The following MYOM3 variants were observed in gnomAD, a reference collection of about 807,000 sequenced individuals.
MYOM3 encodes myomesin 3.
MYOM3 carries 155 observed loss-of-function variants against 191.7 expected under a neutral mutation model. The observed-to-expected ratio is 0.81, with a 90% CI of 0.71 to 0.92. The LOEUF is 0.92. Among genes scored for constraint, MYOM3 ranks in the 40% least tolerant of loss-of-function variants. The pLI is 0.00. For missense variants in MYOM3, 1,889 were observed against 1,890.6 expected, an observed-to-expected ratio of 1.00 and a Z score of 0.02; for synonymous variants, 757 against 762.9, an observed-to-expected ratio of 0.99 and a Z score of 0.13.
In MYOM3 at chr1:24,105,970, C is replaced by G; in HGVS notation, c.510G>C (p.Thr170=). ...LRSHAVWEHT[T]VLLTCTVQAS... is the part of the protein sequence containing the mutation. ...CCTGGACAGTGCAGGTCAGCAGGAC[C>G]GTGGTGTGCTCCCAGACGGCGTGGG... Residue 170 remains threonine (T), a synonymous_variant, in exon 5 of 37, where the codon ACG becomes ACC. Coordinates refer to ENST00000374434, the MANE Select transcript of MYOM3 (RefSeq NM_152372.4). 1 of 1,613,948 alleles carries G rather than the reference C, an allele frequency of 6.2e-7. No homozygotes were observed. The highest frequency in any genetic ancestry group is 8.5e-7 in the Non-Finnish European group (1 of 1,180,004).
rs2148551436 is a variant in MYOM3 at position 24,082,192 on chromosome 1, C to T, written c.2093-4G>A. 1 of 1,602,250 alleles carries T rather than the reference C, an allele frequency of 6.2e-7. No individual in the cohort carries two copies. The highest frequency in any genetic ancestry group is 1.1e-5 in the South Asian group (1 of 88,244). On this transcript the variant is annotated splice_region_variant and splice_polypyrimidine_tract_variant and intron_variant, in intron 17 of 36. Transcript: ENST00000374434. Reference sequence around the variant, plus strand: ...CCATATGGGGCAGACGGGGTAGCTACAGGGAGGTAAGGAGGTGAGGACAGC... The same window carrying T: ...CCATATGGGGCAGACGGGGTAGCTATAGGGAGGTAAGGAGGTGAGGACAGC...
chr1:24,075,080 AG>A (rs1643579661), intron 22 of MYOM3, among the ~76,000 whole-genome samples: 1 of 57,222 alleles, frequency 1.7e-5, no homozygotes, highest in African/African-American at 5.5e-5. Flanking sequence ...TCTCAAAAAA[AG>A]AAAAGAAAAG....
intron 23 of MYOM3, 36 bp from the exon 24 acceptor site, chr1:24,072,049 AATG>A (rs1346019384): frequency 1.1e-5 from 18 of 1,609,260 alleles, no homozygotes; most frequent in Non-Finnish European, 1.5e-5. Context: ...AACCAGAGAG[AATG>A]AAATATCCTG....
intron 24 of MYOM3, 135 bp downstream of exon 24, chr1:24,071,834 T>C (rs1643535766): frequency 2.2e-6 from 2 of 912,142 alleles, no homozygotes; most frequent in Non-Finnish European, 3.6e-6. Context: ...CCTGACCTTC[T>C]AGCTCTGTGA....
At position 24,082,385 on chromosome 1, in the gene MYOM3, C is replaced by G. The variant is rs956160866; in HGVS notation, c.2093-197G>C. The G allele has an allele frequency of 5.7e-6, 5 of 881,664 alleles. No homozygotes were observed. In the African/African-American group the frequency reaches 6.8e-5, roughly 12 times the overall value. 54.6% of individuals were successfully genotyped at this position (881,664 alleles called of 1,614,324 possible). A position where few individuals can be genotyped will look rare whatever the true frequency, so the allele number is the denominator to read the frequency against. On this transcript the variant is annotated intron_variant, in intron 17 of 36. Transcript: ENST00000374434. ...CTGGGTCTGAGGGCTTCCCCACCCC[C>G]CAGAGCTGCTCAGGCCCCATCCCAT...
intron 20 of MYOM3, among the ~76,000 whole-genome samples, chr1:24,077,601 A>G (rs915243799): frequency 6.6e-6 from 1 of 152,232 alleles, no homozygotes; most frequent in Non-Finnish European, 1.5e-5. Flanking sequence ...TTGAGCGTCC[A>G]GAATTCCTGA....
rs375743007 is a variant in MYOM3, at chr1:24,094,933, C to A, written c.848G>T (p.Arg283Leu). ...FTSVLKPVFA[R>L]EKEPFSLSCL... Reference sequence around the variant, plus strand: ...TGACAGGGAGAAGGGTTCCTTCTCACGAGCAAAGACTGGCTTCAGCACCGA... The same window carrying A: ...TGACAGGGAGAAGGGTTCCTTCTCAAGAGCAAAGACTGGCTTCAGCACCGA... Residue 283 changes from arginine to leucine, a missense_variant, in exon 9 of 37, where the codon CGT becomes CTT. Coordinates refer to ENST00000374434, the MANE Select transcript of MYOM3 (RefSeq NM_152372.4). 1.8e-5 allele frequency: 29 copies of A among 1,613,942 alleles called. No individual in the cohort carries two copies. In the Admixed American group the frequency reaches 2.8e-4, roughly 16 times the overall value.
intron 13 of MYOM3, 65 bp downstream of exon 13, chr1:24,090,000 C>G: frequency 2.0e-6 from 3 of 1,529,368 alleles, no homozygotes; most frequent in Non-Finnish European, 2.7e-6. Context: ...GCCTCTTTGC[C>G]AGCTCATGTC....
chr1:24,085,806 A>G (rs886563954), intron 15 of MYOM3, among the ~76,000 whole-genome samples: 3 of 151,546 alleles, frequency 2.0e-5, no homozygotes, highest in Admixed American at 2.0e-4. Context: ...TTGCTCACCA[A>G]CTTGTTCATA....
In MYOM3 at chr1:24,090,831, G is replaced by T; in HGVS notation, c.1398C>A (p.Val466=). ...TCCGGGCTGCATCATGGTCACCCATGACAACCAACTCTGAGGCCTTGGAGG... is the reference window on the plus strand; with the variant it reads ...TCCGGGCTGCATCATGGTCACCCATTACAACCAACTCTGAGGCCTTGGAGG... ...SVPSKASELV[V]MGDHDAARRK... is the part of the protein sequence containing the mutation. Residue 466 remains valine (V), a synonymous_variant, in exon 12 of 37, where the codon GTC becomes GTA. Transcript: ENST00000374434. 1 of 1,614,132 alleles carries T rather than the reference G, an allele frequency of 6.2e-7. No homozygotes were observed. The highest frequency in any genetic ancestry group is 1.3e-5 in the African/African-American group (1 of 75,050).
chr1:24,094,866 C>G lies in MYOM3; in HGVS notation c.915G>C (p.Gln305His). Reference sequence around the variant, plus strand: ...GGGGGTCCTTACCATCTCGGAACCACTGGATGCTCTCAGCATCTAACACAT... The same window carrying G: ...GGGGGTCCTTACCATCTCGGAACCAGTGGATGCTCTCAGCATCTAACACAT... ...SEDVLDAESI[Q>H]WFRDGSLLRS... is the part of the protein sequence containing the mutation. Residue 305 changes from glutamine (Q) to histidine (H), a missense_variant, in exon 9 of 37, where the codon CAG (glutamine) becomes CAC (histidine). By Grantham distance (24) the Gln-to-His change is conservative. Transcript: ENST00000374434. The G allele has an allele frequency of 6.2e-7, 1 of 1,613,018 alleles. No individual in the cohort carries two copies. The highest frequency in any genetic ancestry group is 8.5e-7 in the Non-Finnish European group (1 of 1,179,440).
chr1:24,059,992 C>G (rs1643350301), intron 35 of MYOM3, among the ~76,000 whole-genome samples: 1 of 152,276 alleles, frequency 6.6e-6, no homozygotes, highest in Non-Finnish European at 1.5e-5. Flanking sequence ...AAAGTGTCAC[C>G]AACCCTTCAC....
At chr1:24,058,487 T>A (rs1395685087) in intron 36 of MYOM3, among the ~76,000 whole-genome samples, 4 of 152,152 alleles carry the variant, frequency 2.6e-5, no homozygotes, top group African/African-American at 7.2e-5. Context: ...AAAACCCTAT[T>A]TCATGTGATT....
chr1:24,061,787 T>G (rs1407318392), intron 33 of MYOM3, among the ~76,000 whole-genome samples, 159 bp downstream of exon 33: 1 of 152,092 alleles, frequency 6.6e-6, no homozygotes, highest in Non-Finnish European at 1.5e-5. Flanking sequence ...CAGGCTGGTC[T>G]CACTATGTTG....
In MYOM3 at chr1:24,057,209, G is replaced by T; in HGVS notation, c.*155C>A. 1.4e-6 allele frequency: 1 copy of T among 738,036 alleles called. No individual in the cohort carries two copies. The highest frequency in any genetic ancestry group is 2.2e-6 in the Non-Finnish European group (1 of 463,446). The allele number at this position is 738,036 out of a possible 1,614,324, so 45.7% of individuals were successfully genotyped here. On this transcript the variant is annotated 3_prime_UTR_variant, in exon 37 of 37. Transcript: ENST00000374434. ...AAGATCTTTGCTTCTCCACTTTGGT[G>T]CATCCGCTCCACCCCCACCCTCACA... is the stretch of plus-strand genomic sequence containing the variant.
chr1:24,100,370 C>G (rs547307243), intron 5 of MYOM3, among the ~76,000 whole-genome samples: 1 of 152,296 alleles, frequency 6.6e-6, no homozygotes, highest in African/African-American at 2.4e-5. Context: ...GTTTATTTCC[C>G]TTCTGGGGGC....
chr1:24,058,303 AC>A (rs981613676), intron 36 of MYOM3, among the ~76,000 whole-genome samples: 2 of 152,216 alleles, frequency 1.3e-5, no homozygotes, highest in African/African-American at 4.8e-5. Context: ...AAATTACTGA[AC>A]AAGCTCTAAT....
chr1:24,079,905 C>G, intron 20 of MYOM3, 111 bp downstream of exon 20: 1 of 1,051,648 alleles, frequency 9.5e-7, no homozygotes, highest in South Asian at 1.8e-5. Context: ...CTCTCTGGTC[C>G]TCTGCTTCCA....
intron 23 of MYOM3, 53 bp downstream of exon 23, chr1:24,074,107 T>G: frequency 2.1e-6 from 3 of 1,439,998 alleles, no homozygotes; most frequent in Middle Eastern, 1.8e-4. Flanking sequence ...TGGGCATTTG[T>G]GTTTGGGACT....
Sources: gnomAD v4.1 joint callset for allele counts (sites outside exome capture counted in the v4.1 genomes callset) on GRCh38, gnomAD v4.1.1 for gene constraint, MANE v1.5 for transcripts, NCBI Gene and HGNC (gene_info 2026-07-23, HGNC 2026-07-21) for gene names.